The following NCOR1 variants were observed in gnomAD, a reference collection of about 807,000 sequenced individuals.
NCOR1 encodes the protein protein phosphatase 1, regulatory subunit 109.
In NCOR1, 63 loss-of-function variants were observed where a neutral mutation model predicts 288.1. The observed-to-expected ratio is 0.22, with a 90% confidence interval of 0.18 to 0.27. NCOR1 has a LOEUF of 0.27. Among genes scored for constraint, NCOR1 ranks in the 10% least tolerant of loss-of-function variants. The pLI is 1.00. For missense variants in NCOR1, 2,397 were observed against 3,019.2 expected, an observed-to-expected ratio of 0.79 and a Z score of 4.83; for synonymous variants, 1,007 against 1,065.9, an observed-to-expected ratio of 0.94 and a Z score of 1.08.
chr17:16,207,021 TCCC>T (rs1055602177), intron 1 of NCOR1, among the ~76,000 whole-genome samples: 1 of 151,892 alleles, frequency 6.6e-6, no homozygotes, highest in East Asian at 1.9e-4. Flanking sequence ...AACTTCTTCC[TCCC>T]CCCCAACAGA....
At chr17:16,137,821 C>T (rs2076631679) in intron 13 of NCOR1, 1 of 255,716 alleles carries the variant, frequency 3.9e-6, no homozygotes. Flanking sequence ...AGAGGCCATG[C>T]TAATCTCTGC....
intron 3 of NCOR1, among the ~76,000 whole-genome samples, chr17:16,175,427 C>T (rs974236133): frequency 2.6e-5 from 4 of 151,672 alleles, no homozygotes; most frequent in African/African-American, 9.7e-5. Context: ...CCCCATTTTA[C>T]TGACTTTTGT....
Position 16,030,809 on chromosome 17 carries a change from G to GTGAT in NCOR1, c.*1483_*1486dup, listed in dbSNP as rs1282183541. 1 of 183,242 alleles carries GTGAT rather than the reference G, an allele frequency of 5.5e-6. No homozygotes were observed. The highest frequency in any genetic ancestry group is 1.2e-5 in the Non-Finnish European group (1 of 86,262). 11.4% of individuals were successfully genotyped at this position (183,242 alleles called of 1,614,324 possible). On this transcript the variant is annotated 3_prime_UTR_variant, in exon 46 of 46. Coordinates refer to ENST00000268712, the MANE Select transcript of NCOR1 (RefSeq NM_006311.4). Reference sequence around the variant, plus strand: ...TCTGTAACATAGGGATTAGACACCAGTGATAGGAGGGTCTTGGTCAGTAGC... The same window carrying GTGAT: ...TCTGTAACATAGGGATTAGACACCAGTGATTGATAGGAGGGTCTTGGTCAGTAGC...
chr17:16,127,083 T>C (rs2074186052), intron 14 of NCOR1, among the ~76,000 whole-genome samples: 1 of 150,954 alleles, frequency 6.6e-6, no homozygotes, highest in African/African-American at 2.4e-5. Context: ...AATATACAAA[T>C]CAAAGTTTAT....
intron 1 of NCOR1, among the ~76,000 whole-genome samples, chr17:16,207,751 A>G (rs1181720128): frequency 7.9e-5 from 12 of 150,946 alleles, no homozygotes; most frequent in South Asian, 4.2e-4. Flanking sequence ...AAAAAAAAAA[A>G]AAAAGAAAAG....
At chr17:16,060,600 T>G (rs1257778803) in intron 37 of NCOR1, among the ~76,000 whole-genome samples, 1 of 152,216 alleles carries the variant, frequency 6.6e-6, no homozygotes, top group Non-Finnish European at 1.5e-5. Context: ...AAACAAATTA[T>G]AATTAAGCTA....
At chr17:16,206,720 T>A (rs2153602778) in intron 1 of NCOR1, among the ~76,000 whole-genome samples, 1 of 152,248 alleles carries the variant, frequency 6.6e-6, no homozygotes, top group East Asian at 1.9e-4. Context: ...AAATGGGATA[T>A]TAAGTTGCTG....
intron 11 of NCOR1, among the ~76,000 whole-genome samples, chr17:16,140,388 G>A (rs2076979497): frequency 6.6e-6 from 1 of 152,246 alleles, no homozygotes; most frequent in Non-Finnish European, 1.5e-5. Flanking sequence ...AAATTGCTGG[G>A]CACAGTGGCT....
At chr17:16,073,044 T>C (rs143978421) in intron 28 of NCOR1, among the ~76,000 whole-genome samples, 7 of 152,366 alleles carry the variant, frequency 4.6e-5, no homozygotes, top group African/African-American at 1.7e-4. Flanking sequence ...TTCATGTCTT[T>C]ATCCATTACA....
chr17:16,214,272 C>T (rs959078594), intron 1 of NCOR1, among the ~76,000 whole-genome samples: 2 of 152,194 alleles, frequency 1.3e-5, no homozygotes. Flanking sequence ...GCCATCAACT[C>T]TTCAGTTATC....
chr17:16,203,056 C>A (rs1402031586), intron 1 of NCOR1, among the ~76,000 whole-genome samples: 1 of 151,732 alleles, frequency 6.6e-6, no homozygotes, highest in East Asian at 1.9e-4. Context: ...CACACACACA[C>A]ACACACACAC....
intron 20 of NCOR1, among the ~76,000 whole-genome samples, chr17:16,099,154 C>A (rs542233467): frequency 6.6e-6 from 1 of 152,210 alleles, no homozygotes; most frequent in Non-Finnish European, 1.5e-5. Context: ...GCAGCCGCCA[C>A]CCCGCTCACA....
intron 40 of NCOR1, among the ~76,000 whole-genome samples, chr17:16,053,514 A>G (rs2059553215): frequency 6.6e-6 from 1 of 152,212 alleles, no homozygotes; most frequent in Non-Finnish European, 1.5e-5. Flanking sequence ...AAGGGGAACT[A>G]CAAAACACTT....
chr17:16,067,422 G>A (rs1037198661), intron 32 of NCOR1, among the ~76,000 whole-genome samples: 11 of 152,194 alleles, frequency 7.2e-5, no homozygotes, highest in African/African-American at 1.9e-4. Context: ...TCTGTATTTA[G>A]ATTGCTTGGA....
intron 10 of NCOR1, among the ~76,000 whole-genome samples, chr17:16,144,764 T>TC (rs1165040541): frequency 1.3e-5 from 2 of 151,530 alleles, no homozygotes; most frequent in East Asian, 3.9e-4. Flanking sequence ...TTCCACGATC[T>TC]CCCTCTCCCT....
Position 16,070,170 on chromosome 17 carries a change from G to T in NCOR1, c.4508C>A (p.Ser1503Tyr), listed in dbSNP as rs765207096. ...AAGCAACAAAAGTAACATACCATCA[G>T]AAGTTCTGTTCATCATGGGTGAGCC... ...SRGSPMMNRT[S>Y]DVTISSNKST... Residue 1503 changes from serine to tyrosine, a missense_variant, in exon 31 of 46, where the codon TCT becomes TAT. Ser to Tyr is a moderately radical substitution (Grantham distance 144). This residue lies in a region of NCOR1 where 1,872 missense variants were observed against 2,187.8 expected (regional missense o/e 0.86). Transcript: ENST00000268712. 1.3e-6 allele frequency: 2 copies of T among 1,597,990 alleles called. No individual in the cohort carries two copies. The highest frequency in any genetic ancestry group is 1.7e-6 in the Non-Finnish European group (2 of 1,172,884).
At position 16,098,511 on chromosome 17, in the gene NCOR1, TA is replaced by T. The variant is rs778617621; in HGVS notation, c.2691-16del. 1.3e-5 allele frequency: 20 copies of T among 1,590,470 alleles called. No individual in the cohort carries two copies. Among genetic ancestry groups the T allele is most frequent in the South Asian group, 4.6e-5 (4 of 86,836 alleles). On this transcript the variant is annotated splice_polypyrimidine_tract_variant and intron_variant, in intron 20 of 45. Coordinates refer to ENST00000268712, the MANE Select transcript of NCOR1 (RefSeq NM_006311.4). ...TAGGAAACATTCTGCAATTGCAATT[TA>T]AAAAAAAGATAAATGAATACATTTT...
intron 37 of NCOR1, among the ~76,000 whole-genome samples, chr17:16,059,049 CAAAAAAAAAAAAAAA>C (rs57820388): frequency 5.7e-5 from 1 of 17,444 alleles, no homozygotes; most frequent in African/African-American, 1.4e-4. Context: ...AACTCCGTCT[CAAAAAAAAAAAAAAA>C]AAAAAAAAAA....
At chr17:16,115,035 T>G (rs924453583) in intron 18 of NCOR1, among the ~76,000 whole-genome samples, 40 of 152,248 alleles carry the variant, frequency 2.6e-4, no homozygotes, top group African/African-American at 9.4e-4. Context: ...TTTCCATACA[T>G]CCTCTGAAAT....
Sources: allele counts gnomAD v4.1 joint callset (sites outside exome capture counted in the v4.1 genomes callset), GRCh38; gene constraint gnomAD v4.1.1; regional missense constraint gnomAD v4.1.1; transcripts MANE v1.5; gene names NCBI Gene and HGNC (gene_info 2026-07-23, HGNC 2026-07-21).